Variants in SBF2 observed in about 807,000 individuals in gnomAD.
SBF2 encodes SET binding factor 2, also known as myotubularin-related protein 13.
In SBF2, 112 loss-of-function variants were observed where a neutral mutation model predicts 225.2. That is an observed-to-expected ratio of 0.50 (90% CI 0.43 to 0.58). The LOEUF (loss-of-function observed/expected upper bound fraction) is 0.58, where lower values mean the gene tolerates loss of function less well. Among genes scored for constraint, SBF2 ranks in the 20% least tolerant of loss-of-function variants. The probability of loss-of-function intolerance (pLI) is 0.00; values close to 1 mark genes in which losing one functional copy is unlikely to be tolerated. For missense variants in SBF2, 1,996 were observed against 2,206.2 expected, an observed-to-expected ratio of 0.90 and a Z score of 1.91; for synonymous variants, 763 against 773.3, an observed-to-expected ratio of 0.99 and a Z score of 0.22.
intron 2 of SBF2, among the ~76,000 whole-genome samples, chr11:10,064,666 A>T (rs1016653108): frequency 3.9e-5 from 6 of 152,136 alleles, no homozygotes; most frequent in Admixed American, 6.5e-5. Context: ...GATTTCAGAA[A>T]TTTTTTTTAA....
intron 2 of SBF2, among the ~76,000 whole-genome samples, chr11:10,062,976 G>A (rs1332309511): frequency 6.6e-6 from 1 of 152,006 alleles, no homozygotes; most frequent in African/African-American, 2.4e-5. Flanking sequence ...AAGAAAATGT[G>A]GTACATATAC....
intron 23 of SBF2, among the ~76,000 whole-genome samples, chr11:9,845,983 C>A (rs1856516291): frequency 6.6e-6 from 1 of 152,180 alleles, no homozygotes; most frequent in Non-Finnish European, 1.5e-5. Context: ...AAGATTATTT[C>A]TTCTACAATG....
chr11:9,981,869 G>A (rs745526431), intron 13 of SBF2, among the ~76,000 whole-genome samples: 5 of 151,914 alleles, frequency 3.3e-5, no homozygotes, highest in South Asian at 2.1e-4. Flanking sequence ...GGACCTAATC[G>A]TAATGAAAAA....
rs969314981 is a variant in SBF2, at chr11:9,852,711, G to A, written c.2575C>T (p.His859Tyr). The change falls in exon 21 of 40, where the codon CAT becomes TAT. Residue 859 changes from histidine to tyrosine, a missense_variant. Transcript: ENST00000256190. Reference sequence around the variant, plus strand: ...GGCGGAAGTCTTCTGCTTTCTCGATGTACTGCTTCTAGGGTCTCAATGTGC... The same window carrying A: ...GGCGGAAGTCTTCTGCTTTCTCGATATACTGCTTCTAGGGTCTCAATGTGC... ...AMHIETLEAVHRESRRLPPIQ... is the reference protein window; with the variant it reads ...AMHIETLEAVYRESRRLPPIQ... The A allele has an allele frequency of 6.8e-6, 11 of 1,613,364 alleles. No homozygotes were observed. The highest frequency in any genetic ancestry group is 9.3e-6 in the Non-Finnish European group (11 of 1,179,392).
At chr11:10,099,459 G>C (rs964747673) in intron 2 of SBF2, among the ~76,000 whole-genome samples, 1 of 152,154 alleles carries the variant, frequency 6.6e-6, no homozygotes, top group African/African-American at 2.4e-5. Flanking sequence ...AAATGCTAAA[G>C]GGGGTTCTTT....
At chr11:9,935,231 G>C in intron 16 of SBF2, among the ~76,000 whole-genome samples, 1 of 151,976 alleles carries the variant, frequency 6.6e-6, no homozygotes, top group East Asian at 1.9e-4. Context: ...AAAATACCTA[G>C]GAATCCAACT....
At chr11:9,804,463 A>C (rs1853674269) in intron 32 of SBF2, among the ~76,000 whole-genome samples, 1 of 152,228 alleles carries the variant, frequency 6.6e-6, no homozygotes, top group South Asian at 2.1e-4. Context: ...GTTATTTAAA[A>C]ATAAAATTTC....
chr11:10,160,913 T>C (rs1322580789), intron 2 of SBF2, among the ~76,000 whole-genome samples: 1 of 152,062 alleles, frequency 6.6e-6, no homozygotes, highest in Non-Finnish European at 1.5e-5. Context: ...ACAAACCTCA[T>C]TACAGGTTCA....
At chr11:10,199,096 T>C (rs1820893051) in intron 1 of SBF2, among the ~76,000 whole-genome samples, 1 of 152,186 alleles carries the variant, frequency 6.6e-6, no homozygotes, top group South Asian at 2.1e-4. Flanking sequence ...CATTTCTAGA[T>C]TTTGATTTGA....
At chr11:9,852,340 G>A (rs1224281351) in intron 21 of SBF2, among the ~76,000 whole-genome samples, 1 of 151,968 alleles carries the variant, frequency 6.6e-6, no homozygotes, top group Non-Finnish European at 1.5e-5. Context: ...ATCCTTTTTG[G>A]TGGTGGGGGA....
At chr11:10,229,522 CTT>C in intron 1 of SBF2, among the ~76,000 whole-genome samples, 1 of 151,936 alleles carries the variant, frequency 6.6e-6, no homozygotes, top group Non-Finnish European at 1.5e-5. Context: ...TGTCTTCGTT[CTT>C]GTTGGTTTCA....
chr11:10,172,877 AG>A (rs1483602574), intron 2 of SBF2, among the ~76,000 whole-genome samples: 23 of 152,142 alleles, frequency 1.5e-4, no homozygotes, highest in African/African-American at 5.3e-4. Context: ...CATGCTGGCC[AG>A]GCTGGTCTTG....
At chr11:9,935,357 A>C (rs1410830826) in intron 16 of SBF2, among the ~76,000 whole-genome samples, 6 of 152,184 alleles carry the variant, frequency 3.9e-5, no homozygotes, top group African/African-American at 9.7e-5. Flanking sequence ...AAGAACCAAT[A>C]CCGTGAAAAT....
intron 2 of SBF2, among the ~76,000 whole-genome samples, chr11:10,072,995 C>T (rs760101937): frequency 6.6e-6 from 1 of 151,948 alleles, no homozygotes; most frequent in African/African-American, 2.4e-5. Context: ...CGGGCTCAAG[C>T]AATCCGCCTG....
At chr11:9,786,331 T>C (rs2645027) in intron 36 of SBF2, among the ~76,000 whole-genome samples, 8,734 of 152,268 alleles carry the variant, frequency 0.057, 670 homozygotes, top group African/African-American at 0.18. Flanking sequence ...TATGGGTGAT[T>C]CTCATCTTTT....
At chr11:10,135,657 A>G (rs1954310821) in intron 2 of SBF2, among the ~76,000 whole-genome samples, 1 of 152,190 alleles carries the variant, frequency 6.6e-6, no homozygotes, top group Non-Finnish European at 1.5e-5. Flanking sequence ...TCTTTGCTAA[A>G]ACATAATAAG....
chr11:9,836,305 T>C (rs1482422671), intron 26 of SBF2, among the ~76,000 whole-genome samples: 1 of 152,212 alleles, frequency 6.6e-6, no homozygotes, highest in Non-Finnish European at 1.5e-5. Flanking sequence ...TACATATAGA[T>C]CTATAGGTCA....
rs58436467 is a variant in SBF2 at position 9,835,631 on chromosome 11, C to CA, written c.3456-3212dup. On this transcript the variant is annotated intron_variant, in intron 26 of 39. Coordinates refer to ENST00000256190, the MANE Select transcript of SBF2 (RefSeq NM_030962.4). ...TGGGAGACAGAGCAAGACCTTGTCT[C>CA]AAAAAAAAAAAAAAAAGATTACTAC... 5.4e-3 allele frequency among the ~76,000 whole-genome samples: 333 copies of CA among 62,130 alleles called. 14 individuals are homozygous for CA. Among genetic ancestry groups the CA allele is most frequent in the East Asian group, 0.042 (126 of 3,024 alleles). 40.8% of individuals were successfully genotyped at this position (62,130 alleles called of 152,430 possible).
intron 6 of SBF2, among the ~76,000 whole-genome samples, chr11:10,015,406 T>C (rs558698018): frequency 5.4e-4 from 83 of 152,360 alleles, no homozygotes; most frequent in Non-Finnish European, 8.8e-4. Context: ...ATTATTTTAC[T>C]GTTGTGGAAG....
Sources: allele counts gnomAD v4.1 joint callset (sites outside exome capture counted in the v4.1 genomes callset), GRCh38; gene constraint gnomAD v4.1.1; transcripts MANE v1.5; gene names NCBI Gene and HGNC (gene_info 2026-07-23, HGNC 2026-07-21).